The following ATF6 variants were observed in gnomAD, a reference collection of about 807,000 sequenced individuals.
ATF6 encodes the protein cyclic AMP-dependent transcription factor ATF-6 alpha.
ATF6 carries 53 observed loss-of-function variants against 83.6 expected under a neutral mutation model. The ratio of observed to expected loss-of-function variants is 0.63; its 90% CI spans 0.51 to 0.80. ATF6 has a LOEUF of 0.80. Among genes scored for constraint, ATF6 ranks in the 30% least tolerant of loss-of-function variants. The pLI is 0.00. For missense variants in ATF6, 744 were observed against 797.9 expected (o/e 0.93, Z 0.81); for synonymous variants, 288 against 285.8 (o/e 1.01, Z -0.08).
intron 7 of ATF6, among the ~76,000 whole-genome samples, chr1:161,814,294 C>G (rs1685554664): frequency 6.6e-6 from 1 of 152,234 alleles, no homozygotes; most frequent in African/African-American, 2.4e-5. Flanking sequence ...TTGGGTCCCT[C>G]TATTCTTCAA....
At chr1:161,896,033 T>C (rs1280746008) in intron 14 of ATF6, among the ~76,000 whole-genome samples, 1 of 152,236 alleles carries the variant, frequency 6.6e-6, no homozygotes, top group Non-Finnish European at 1.5e-5. Context: ...AAAACTATAC[T>C]GCTAACACAT....
chr1:161,944,286 C>T (rs1688706654), intron 15 of ATF6, among the ~76,000 whole-genome samples: 1 of 152,138 alleles, frequency 6.6e-6, no homozygotes, highest in Admixed American at 6.5e-5. Context: ...CAGTCCTTCC[C>T]TTGGACTGTC....
chr1:161,895,392 T>C (rs1328889088), intron 14 of ATF6, among the ~76,000 whole-genome samples: 2 of 152,354 alleles, frequency 1.3e-5, no homozygotes, highest in East Asian at 3.9e-4. Flanking sequence ...AGGATGCATA[T>C]ATGTTTTTAC....
intron 15 of ATF6, among the ~76,000 whole-genome samples, chr1:161,933,057 T>C (rs898308094): frequency 4.6e-5 from 7 of 152,200 alleles, no homozygotes; most frequent in Non-Finnish European, 8.8e-5. Context: ...TCATCACTTT[T>C]CCCATATTCT....
intron 15 of ATF6, among the ~76,000 whole-genome samples, chr1:161,922,717 G>A (rs1265895795): frequency 6.6e-6 from 1 of 151,882 alleles, no homozygotes; most frequent in Non-Finnish European, 1.5e-5. Flanking sequence ...AGAGAGCAGA[G>A]GCCCTGAGGC....
At chr1:161,861,077 A>G (rs1416391796) in intron 13 of ATF6, among the ~76,000 whole-genome samples, 2 of 152,162 alleles carry the variant, frequency 1.3e-5, no homozygotes, top group Non-Finnish European at 2.9e-5. Context: ...TAATGGTTAA[A>G]TTAGATAATA....
At chr1:161,867,310 T>A (rs1558003063) in intron 14 of ATF6, among the ~76,000 whole-genome samples, 1 of 151,896 alleles carries the variant, frequency 6.6e-6, no homozygotes, top group African/African-American at 2.4e-5. Context: ...AAAAATGCTT[T>A]TGTATGATAG....
chr1:161,790,455 A>T (rs953700798), intron 4 of ATF6, among the ~76,000 whole-genome samples: 2 of 152,170 alleles, frequency 1.3e-5, no homozygotes, highest in African/African-American at 4.8e-5. Context: ...GACTTTGGGA[A>T]AATGCGAATG....
intron 2 of ATF6, among the ~76,000 whole-genome samples, chr1:161,779,791 GC>G (rs1480712977): frequency 1.3e-5 from 2 of 152,050 alleles, no homozygotes; most frequent in Non-Finnish European, 2.9e-5. Flanking sequence ...AGGCTGGAGT[GC>G]AGTGGTTTGA....
chr1:161,801,382 T>A (rs12402256), intron 6 of ATF6, among the ~76,000 whole-genome samples: 1 of 140,464 alleles, frequency 7.1e-6, no homozygotes, highest in East Asian at 2.2e-4. Context: ...TTTTTTTTTT[T>A]GTCCTTTTTA....
chr1:161,886,405 C>T (rs1016392999), intron 14 of ATF6, among the ~76,000 whole-genome samples: 3 of 152,164 alleles, frequency 2.0e-5, no homozygotes, highest in African/African-American at 7.2e-5. Flanking sequence ...ACATCTTATA[C>T]AGTTATACAT....
intron 14 of ATF6, among the ~76,000 whole-genome samples, chr1:161,865,099 G>A (rs973178385): frequency 3.3e-5 from 5 of 151,916 alleles, no homozygotes; most frequent in Non-Finnish European, 5.9e-5. Context: ...TTGAAGTCAT[G>A]GTTAGTAATG....
At chr1:161,932,484 T>TA (rs1688453733) in intron 15 of ATF6, among the ~76,000 whole-genome samples, 2 of 152,134 alleles carry the variant, frequency 1.3e-5, no homozygotes, top group African/African-American at 4.8e-5. Context: ...TTTTCAAAGC[T>TA]AAAAAAATTC....
intron 1 of ATF6, among the ~76,000 whole-genome samples, chr1:161,770,271 A>G (rs940367299): frequency 8.5e-5 from 13 of 152,264 alleles, no homozygotes; most frequent in Admixed American, 2.6e-4. Flanking sequence ...TCTTCTTAGC[A>G]CTAAATAGTA....
Position 161,791,433 on chromosome 1 carries a change from C to G in ATF6, c.380C>G (p.Ser127Cys). The change falls in exon 5 of 16, where the codon TCT (serine) becomes TGT (cysteine). Residue 127 changes from serine (S) to cysteine (C), a missense_variant. Ser to Cys is a moderately radical substitution (Grantham distance 112). Transcript: ENST00000367942. ...GAGGAGTTGGATTTGTCTTCTAGTT[C>G]TCAGATGTCTCCCCTTTCCTTATAT... ...VPEELDLSSS[S>C]QMSPLSLYGE... 6.2e-7 allele frequency: 1 copy of G among 1,609,802 alleles called. No homozygotes were observed. Among genetic ancestry groups the G allele is most frequent in the Non-Finnish European group, 8.5e-7 (1 of 1,178,788 alleles).
intron 9 of ATF6, among the ~76,000 whole-genome samples, chr1:161,843,657 G>A (rs569649000): frequency 6.6e-6 from 1 of 152,214 alleles, no homozygotes; most frequent in East Asian, 1.9e-4. Context: ...AAAATATACT[G>A]TATTTGCATC....
At chr1:161,907,511 T>C (rs1475489198) in intron 14 of ATF6, among the ~76,000 whole-genome samples, 1 of 152,076 alleles carries the variant, frequency 6.6e-6, no homozygotes, top group Non-Finnish European at 1.5e-5. Context: ...TGTTGATCTG[T>C]GTGAAAGCTG....
intron 14 of ATF6, among the ~76,000 whole-genome samples, chr1:161,908,018 C>T (rs970027949): frequency 6.6e-6 from 1 of 152,114 alleles, no homozygotes; most frequent in African/African-American, 2.4e-5. Context: ...TATCTTTTTG[C>T]TCTCTTTTCA....
intron 15 of ATF6, among the ~76,000 whole-genome samples, chr1:161,953,023 G>GAAT (rs1688895375): frequency 6.6e-6 from 1 of 152,012 alleles, no homozygotes; most frequent in Non-Finnish European, 1.5e-5. Context: ...TACAACATAG[G>GAAT]AATAATAATA....
Sources: gnomAD v4.1 joint callset for allele counts (sites outside exome capture counted in the v4.1 genomes callset) on GRCh38, gnomAD v4.1.1 for gene constraint, MANE v1.5 for transcripts, NCBI Gene and HGNC (gene_info 2026-07-23, HGNC 2026-07-21) for gene names.